ATXN8OS: variants seen among roughly 807,000 people sequenced by gnomAD.
The protein encoded by ATXN8OS is ATXN8 opposite strand (non-protein coding).
At position 70,153,163 on chromosome 13, in the gene ATXN8OS, G is replaced by T. The variant is rs79843037; in HGVS notation, n.573+5735G>T. On this transcript the variant is annotated intron_variant and non_coding_transcript_variant, in intron 4 of 4. Coordinates refer to ENST00000678624, the Ensembl canonical transcript of ATXN8OS. ...AAGTGAGTTCAGCACATCTCTGAGA[G>T]CAGAGACATTACTGGAAATTAGTAG... Among the ~76,000 whole-genome samples the T allele has an allele frequency of 2.7e-3, 408 of 152,168 alleles. 4 individuals are homozygous for T. Among genetic ancestry groups the T allele is most frequent in the Non-Finnish European group, 3.9e-3 (268 of 67,996 alleles).
intron 4 of ATXN8OS, among the ~76,000 whole-genome samples, chr13:70,152,291 T>C (rs1040355362): frequency 1.4e-4 from 22 of 152,110 alleles, no homozygotes; most frequent in African/African-American, 5.1e-4. Flanking sequence ...TACTTTGACC[T>C]TTTAGCACTA....
chr13:70,159,551 C>T (rs946766187), intron 4 of ATXN8OS, among the ~76,000 whole-genome samples: 2 of 152,046 alleles, frequency 1.3e-5, no homozygotes, highest in African/African-American at 4.8e-5. Context: ...TGGATTCCCA[C>T]GTGCATACCA....
At chr13:70,112,920 A>ATATATATATTTTT (rs1555298511) in intron 1 of ATXN8OS, among the ~76,000 whole-genome samples, 2 of 87,590 alleles carry the variant, frequency 2.3e-5, no homozygotes, top group Admixed American at 1.4e-4. Flanking sequence ...TATATATATA[A>ATATATATATTTTT]TTTTTTTTTT....
intron 4 of ATXN8OS, among the ~76,000 whole-genome samples, chr13:70,159,183 CT>C (rs1765747343): frequency 7.7e-6 from 1 of 129,560 alleles, no homozygotes; most frequent in Non-Finnish European, 1.6e-5. Flanking sequence ...CTTCCATTCT[CT>C]CTCTCTCTCT....
At chr13:70,133,409 G>C (rs1190727936) in intron 3 of ATXN8OS, among the ~76,000 whole-genome samples, 1 of 152,078 alleles carries the variant, frequency 6.6e-6, no homozygotes, top group African/African-American at 2.4e-5. Context: ...GAAAAAAATA[G>C]CATAAAGGAA....
chr13:70,170,060 G>T (rs9542200), exon 5 of ATXN8OS, among the ~76,000 whole-genome samples: 3 of 152,078 alleles, frequency 2.0e-5, no homozygotes, highest in East Asian at 3.9e-4. Context: ...AGAAAGCATC[G>T]ACTACACTCA....
At chr13:70,114,689 T>G (rs1280530426) in intron 1 of ATXN8OS, among the ~76,000 whole-genome samples, 1 of 152,140 alleles carries the variant, frequency 6.6e-6, no homozygotes, top group Non-Finnish European at 1.5e-5. Context: ...CTCAAGAAAC[T>G]AAGAAAGGAA....
intron 3 of ATXN8OS, among the ~76,000 whole-genome samples, chr13:70,137,612 A>G (rs1277348647): frequency 6.6e-6 from 1 of 152,142 alleles, no homozygotes; most frequent in Non-Finnish European, 1.5e-5. Flanking sequence ...TTCTAAATGC[A>G]TCTCTAATTC....
intron 2 of ATXN8OS, among the ~76,000 whole-genome samples, chr13:70,118,998 A>C (rs1323600212): frequency 1.3e-5 from 2 of 152,030 alleles, no homozygotes; most frequent in African/African-American, 4.8e-5. Flanking sequence ...AATTGAAACC[A>C]CTGAATATTT....
intron 4 of ATXN8OS, among the ~76,000 whole-genome samples, chr13:70,168,849 A>G (rs1201141693): frequency 6.6e-6 from 1 of 152,128 alleles, no homozygotes; most frequent in Non-Finnish European, 1.5e-5. Context: ...AATGTGCAGT[A>G]GTCCATGCAT....
At chr13:70,162,239 A>G (rs1889018079) in intron 4 of ATXN8OS, among the ~76,000 whole-genome samples, 1 of 152,088 alleles carries the variant, frequency 6.6e-6, no homozygotes, top group Non-Finnish European at 1.5e-5. Flanking sequence ...GACTGAAACT[A>G]AAGACAGTTA....
rs138212093 is a variant in ATXN8OS, at chr13:70,165,656, G to C, written n.574-4097G>C. ...AAAAAAACTAAAAATAGAAATATCA[G>C]GCTAGATTAAGGTCTATCCATAGCA... On this transcript the variant is annotated intron_variant and non_coding_transcript_variant, in intron 4 of 4. Coordinates refer to ENST00000678624, the Ensembl canonical transcript of ATXN8OS. Among the ~76,000 whole-genome samples the C allele has an allele frequency of 4.9e-3, 741 of 151,938 alleles. 10 individuals are homozygous for C. The highest frequency in any genetic ancestry group is 0.016 in the African/African-American group (650 of 41,488).
chr13:70,113,296 TATAG>T (rs1201185489), intron 1 of ATXN8OS, among the ~76,000 whole-genome samples: 3 of 141,404 alleles, frequency 2.1e-5, no homozygotes, highest in Non-Finnish European at 4.7e-5. Flanking sequence ...TATGTAGACA[TATAG>T]ATATAGATAA....
chr13:70,138,624 A>G (rs1168906725), intron 3 of ATXN8OS, among the ~76,000 whole-genome samples: 1 of 152,144 alleles, frequency 6.6e-6, no homozygotes, highest in East Asian at 1.9e-4. Context: ...TCATCATTTC[A>G]ATATTTAGCT....
chr13:70,162,412 A>T (rs1353172143), intron 4 of ATXN8OS, among the ~76,000 whole-genome samples: 1 of 152,136 alleles, frequency 6.6e-6, no homozygotes, highest in African/African-American at 2.4e-5. Flanking sequence ...TCCCACAGGG[A>T]GAAATCCAAG....
intron 2 of ATXN8OS, among the ~76,000 whole-genome samples, chr13:70,116,354 C>T (rs1283902882): frequency 6.6e-6 from 1 of 152,064 alleles, no homozygotes; most frequent in Non-Finnish European, 1.5e-5. Context: ...AATCTATGTG[C>T]TTAAGCTCCA....
At position 70,128,701 on chromosome 13, in the gene ATXN8OS, T is replaced by G. The variant is rs376904871; in HGVS notation, n.399-1083T>G. 3.9e-5 allele frequency among the ~76,000 whole-genome samples: 6 copies of G among 152,226 alleles called. No homozygotes were observed. In the South Asian group the frequency reaches 6.2e-4, roughly 16 times the overall value. ...TCCCATAATGCAAAATTTACTCTTGTGTTTATTTTTTTTGTATACTAAAAT... is the reference window on the plus strand; with the variant it reads ...TCCCATAATGCAAAATTTACTCTTGGGTTTATTTTTTTTGTATACTAAAAT... On this transcript the variant is annotated intron_variant and non_coding_transcript_variant, in intron 2 of 4. Transcript: ENST00000678624.
At chr13:70,137,894 T>C (rs1593767324) in intron 3 of ATXN8OS, among the ~76,000 whole-genome samples, 1 of 152,214 alleles carries the variant, frequency 6.6e-6, no homozygotes, top group Non-Finnish European at 1.5e-5. Context: ...GCATGGCTGG[T>C]AAGCCTCAGG....
chr13:70,171,015 T>C (rs114745369), exon 5 of ATXN8OS, among the ~76,000 whole-genome samples: 3 of 152,140 alleles, frequency 2.0e-5, no homozygotes, highest in Non-Finnish European at 2.9e-5. Context: ...TACACCTGTA[T>C]AGGGCACTGT....
Sources: allele counts gnomAD v4.1 joint callset (sites outside exome capture counted in the v4.1 genomes callset), GRCh38; gene constraint gnomAD v4.1.1; transcripts MANE v1.5; gene names NCBI Gene and HGNC (gene_info 2026-07-23, HGNC 2026-07-21).